The following LIN7A variants were observed in gnomAD, a reference collection of about 807,000 sequenced individuals.
The protein encoded by LIN7A is protein lin-7 homolog A.
In LIN7A, 25 loss-of-function variants were observed where a neutral mutation model predicts 29.8. The ratio of observed to expected loss-of-function variants is 0.84; its 90% CI spans 0.61 to 1.17. The LOEUF (loss-of-function observed/expected upper bound fraction) is 1.17, where lower values mean the gene tolerates loss of function less well. Among genes scored for constraint, LIN7A ranks in the 50% most tolerant of loss-of-function variants. The pLI is 0.00. For synonymous variants in LIN7A, 118 were observed against 107.5 expected, an observed-to-expected ratio of 1.10 and a Z score of -0.60; for missense variants, 239 against 287.0, an observed-to-expected ratio of 0.83 and a Z score of 1.21.
intron 4 of LIN7A, among the ~76,000 whole-genome samples, chr12:80,818,342 T>C (rs190349326): frequency 2.6e-5 from 4 of 152,342 alleles, no homozygotes; most frequent in African/African-American, 9.6e-5. Context: ...ATATGTATAC[T>C]GTAGTTTTTA....
intron 1 of LIN7A, among the ~76,000 whole-genome samples, chr12:80,931,943 A>G (rs1271507387): frequency 6.6e-6 from 1 of 152,240 alleles, no homozygotes; most frequent in Admixed American, 6.5e-5. Flanking sequence ...AGACTAACCT[A>G]ATTTTTATTT....
chr12:80,833,772 T>C (rs1872484794), intron 4 of LIN7A, among the ~76,000 whole-genome samples: 1 of 152,236 alleles, frequency 6.6e-6, no homozygotes, highest in Admixed American at 6.5e-5. Flanking sequence ...AGATAACTAC[T>C]ATTAATCCTT....
chr12:80,863,422 G>A (rs1335167152), intron 2 of LIN7A, among the ~76,000 whole-genome samples: 3 of 152,174 alleles, frequency 2.0e-5, no homozygotes, highest in Non-Finnish European at 4.4e-5. Context: ...CTTAAAGAAG[G>A]GAGAAAGAGA....
rs190845373 is a variant in LIN7A, at chr12:80,878,756, T to C, written c.201+10495A>G. ...ATTGGTCCATTTTACAGAGCACGGA[T>C]TGGTCCATTTTACAAACCTCTAGCC... is the stretch of plus-strand genomic sequence containing the variant. On this transcript the variant is annotated intron_variant, in intron 2 of 5. Transcript: ENST00000552864. Among the ~76,000 whole-genome samples, 32 of 152,296 alleles carry C rather than the reference T, an allele frequency of 2.1e-4. No homozygotes were observed. The East Asian group carries it at 5.2e-3, about 25-fold the overall frequency.
intron 1 of LIN7A, among the ~76,000 whole-genome samples, chr12:80,934,087 CA>C (rs1878072551): frequency 6.6e-6 from 1 of 152,128 alleles, no homozygotes; most frequent in Non-Finnish European, 1.5e-5. Context: ...ACCACAAAAG[CA>C]GAAACTTTTG....
At chr12:80,842,179 A>T in intron 4 of LIN7A, 1 of 1,231,142 alleles carries the variant, frequency 8.1e-7, no homozygotes, top group African/African-American at 1.6e-5. Context: ...CTTTATTTTT[A>T]TTTATTGATT....
At position 80,819,596 on chromosome 12, in the gene LIN7A, T is replaced by A. The variant is rs181512366; in HGVS notation, c.484-7913A>T. Among the ~76,000 whole-genome samples the A allele has an allele frequency of 2.6e-5, 4 of 152,314 alleles. No individual in the cohort carries two copies. The East Asian group carries it at 7.7e-4, about 29-fold the overall frequency. On this transcript the variant is annotated intron_variant, in intron 4 of 5. Coordinates refer to ENST00000552864, the MANE Select transcript of LIN7A (RefSeq NM_004664.4). ...TATAACATCAATATAAAATATAAAGTCTTATAGGCTAAGGAACCAGTATTG... is the reference window on the plus strand; with the variant it reads ...TATAACATCAATATAAAATATAAAGACTTATAGGCTAAGGAACCAGTATTG...
intron 2 of LIN7A, among the ~76,000 whole-genome samples, chr12:80,874,103 C>T (rs1874564778): frequency 6.6e-6 from 1 of 152,008 alleles, no homozygotes; most frequent in Non-Finnish European, 1.5e-5. Context: ...CTTAATAAAG[C>T]CTAGGAGTCA....
At chr12:80,901,242 T>C (rs993634897) in intron 1 of LIN7A, among the ~76,000 whole-genome samples, 1 of 152,146 alleles carries the variant, frequency 6.6e-6, no homozygotes, top group East Asian at 1.9e-4. Context: ...ACACTATTCC[T>C]TATTTACATT....
intron 4 of LIN7A, among the ~76,000 whole-genome samples, chr12:80,833,540 A>G (rs931573): frequency 6.6e-6 from 1 of 152,170 alleles, no homozygotes; most frequent in African/African-American, 2.4e-5. Context: ...AATTGCCAGA[A>G]TAACCTATAA....
At chr12:80,873,585 G>A (rs1032414698) in intron 2 of LIN7A, among the ~76,000 whole-genome samples, 11 of 151,362 alleles carry the variant, frequency 7.3e-5, no homozygotes, top group Admixed American at 2.0e-4. Flanking sequence ...GATTTTAAAT[G>A]AGAGGGATAT....
At chr12:80,876,096 G>C (rs1361916826) in intron 2 of LIN7A, among the ~76,000 whole-genome samples, 1 of 151,796 alleles carries the variant, frequency 6.6e-6, no homozygotes, top group Non-Finnish European at 1.5e-5. Context: ...GAGAGAAAGA[G>C]AGAGACAGAC....
intron 1 of LIN7A, among the ~76,000 whole-genome samples, chr12:80,907,053 CTCTG>C (rs57589216): frequency 0.012 from 1,537 of 132,998 alleles, 31 homozygotes; most frequent in African/African-American, 0.042. Flanking sequence ...AGAGTGCGTG[CTCTG>C]TGTGTGTGTG....
At chr12:80,860,526 C>A (rs1873811510) in intron 2 of LIN7A, among the ~76,000 whole-genome samples, 1 of 152,318 alleles carries the variant, frequency 6.6e-6, no homozygotes, top group Admixed American at 6.5e-5. Context: ...TGATAGAGAT[C>A]ACTTTCCTTT....
intron 4 of LIN7A, among the ~76,000 whole-genome samples, chr12:80,814,282 G>A (rs1490996987): frequency 6.6e-6 from 1 of 152,102 alleles, no homozygotes; most frequent in Non-Finnish European, 1.5e-5. Context: ...CAGTATGTTT[G>A]TAATTTCTTT....
At chr12:80,872,497 T>C (rs2120506063) in intron 2 of LIN7A, among the ~76,000 whole-genome samples, 1 of 152,340 alleles carries the variant, frequency 6.6e-6, no homozygotes, top group South Asian at 2.1e-4. Context: ...TGCCCTCTCA[T>C]GGGACTGTCT....
At chr12:80,892,360 A>G (rs1171029498) in intron 1 of LIN7A, among the ~76,000 whole-genome samples, 1 of 152,158 alleles carries the variant, frequency 6.6e-6, no homozygotes, top group Non-Finnish European at 1.5e-5. Flanking sequence ...TTAGAGGTCT[A>G]TGTCTGTGTG....
At chr12:80,827,201 C>T (rs887645177) in intron 4 of LIN7A, among the ~76,000 whole-genome samples, 2 of 152,092 alleles carry the variant, frequency 1.3e-5, no homozygotes, top group Non-Finnish European at 2.9e-5. Flanking sequence ...TCCTGGCTAA[C>T]ACGGTGAAAC....
intron 1 of LIN7A, among the ~76,000 whole-genome samples, chr12:80,912,858 C>T (rs715695): frequency 0.075 from 11,395 of 152,178 alleles, 1,400 homozygotes; most frequent in African/African-American, 0.26. Context: ...TATGTGAGCT[C>T]ACCTCCATAC....
Sources: allele counts gnomAD v4.1 joint callset (sites outside exome capture counted in the v4.1 genomes callset), GRCh38; gene constraint gnomAD v4.1.1; transcripts MANE v1.5; gene names NCBI Gene and HGNC (gene_info 2026-07-23, HGNC 2026-07-21).